The following CSMD1 variants were observed in gnomAD, a reference collection of about 807,000 sequenced individuals.
CSMD1 encodes CUB and Sushi multiple domains 1, also known as CUB and sushi domain-containing protein 1.
CSMD1 carries 213 observed loss-of-function variants against 417.5 expected under a neutral mutation model. That is an observed-to-expected ratio of 0.51 (90% CI 0.46 to 0.57). The LOEUF is 0.57. CSMD1 is among the 20% of genes least tolerant of loss of function. The probability of loss-of-function intolerance (pLI) is 0.00; values close to 1 mark genes in which losing one functional copy is unlikely to be tolerated. For synonymous variants in CSMD1, 2,862 were observed against 1,736.8 expected (o/e 1.65, Z -16.11); for missense variants, 6,923 against 4,529.7 (o/e 1.53, Z -15.17).
At chr8:2,952,955 G>A (rs1288521253) in intron 65 of CSMD1, among the ~76,000 whole-genome samples, 1 of 152,150 alleles carries the variant, frequency 6.6e-6, no homozygotes, top group African/African-American at 2.4e-5. Flanking sequence ...TAGCTGAGCT[G>A]TACTAGAATG....
chr8:4,213,443 G>C (rs1443350868), intron 3 of CSMD1, among the ~76,000 whole-genome samples: 1 of 152,142 alleles, frequency 6.6e-6, no homozygotes, highest in African/African-American at 2.4e-5. Flanking sequence ...TAATATGTGA[G>C]AACAGGAACA....
intron 12 of CSMD1, among the ~76,000 whole-genome samples, chr8:3,435,169 G>T (rs1814469867): frequency 2.6e-5 from 4 of 152,198 alleles, no homozygotes; most frequent in Non-Finnish European, 5.9e-5. Flanking sequence ...ATCCCAATGA[G>T]AAGTCAGAGG....
At chr8:4,872,663 G>T (rs1019474438) in intron 1 of CSMD1, among the ~76,000 whole-genome samples, 1 of 152,072 alleles carries the variant, frequency 6.6e-6, no homozygotes, top group African/African-American at 2.4e-5. Flanking sequence ...CTCAGAAATT[G>T]CGAGAGTAGA....
chr8:4,015,684 C>G (rs1045334143), intron 4 of CSMD1, among the ~76,000 whole-genome samples: 2 of 54,844 alleles, frequency 3.6e-5, no homozygotes, highest in Non-Finnish European at 8.2e-5. Flanking sequence ...AAAAAAAAAA[C>G]TCAAGACAGC....
intron 1 of CSMD1, among the ~76,000 whole-genome samples, chr8:4,651,157 G>GA (rs1011506226): frequency 4.6e-5 from 7 of 151,934 alleles, no homozygotes; most frequent in South Asian, 4.2e-4. Context: ...TTTCAACTGA[G>GA]AAAAAAAATC....
At chr8:4,960,012 C>A (rs944260764) in intron 1 of CSMD1, among the ~76,000 whole-genome samples, 3 of 152,136 alleles carry the variant, frequency 2.0e-5, no homozygotes, top group Non-Finnish European at 4.4e-5. Flanking sequence ...CACTAGGATG[C>A]AATTTCAACA....
chr8:3,621,314 G>A (rs1372902252), intron 7 of CSMD1, among the ~76,000 whole-genome samples: 1 of 152,128 alleles, frequency 6.6e-6, no homozygotes, highest in Non-Finnish European at 1.5e-5. Context: ...GTAACAGAAT[G>A]CAACTGTATG....
At chr8:2,942,311 T>A in intron 69 of CSMD1, among the ~76,000 whole-genome samples, 161 bp downstream of exon 69, 1 of 151,448 alleles carries the variant, frequency 6.6e-6, no homozygotes, top group Non-Finnish European at 1.5e-5. Flanking sequence ...ATCCGGCACG[T>A]GTACCCCGGA....
At chr8:3,442,055 A>G (rs1815019659) in intron 12 of CSMD1, among the ~76,000 whole-genome samples, 1 of 152,060 alleles carries the variant, frequency 6.6e-6, no homozygotes, top group African/African-American at 2.4e-5. Flanking sequence ...AAAATTTTAA[A>G]CAAAAAATTT....
At chr8:4,038,196 A>G (rs866956045) in intron 3 of CSMD1, among the ~76,000 whole-genome samples, 28 of 152,170 alleles carry the variant, frequency 1.8e-4, no homozygotes, top group African/African-American at 5.8e-4. Flanking sequence ...ATCTTCAACA[A>G]ATTTTCTTTT....
chr8:3,817,694 T>C (rs1801466287), intron 5 of CSMD1, among the ~76,000 whole-genome samples: 1 of 152,174 alleles, frequency 6.6e-6, no homozygotes, highest in African/African-American at 2.4e-5. Flanking sequence ...TCCACTTCTC[T>C]ACTCTCAGAA....
chr8:4,383,832 T>A (rs1803265606), intron 3 of CSMD1, among the ~76,000 whole-genome samples: 1 of 152,082 alleles, frequency 6.6e-6, no homozygotes, highest in South Asian at 2.1e-4. Context: ...AAGTGGAACT[T>A]GAAAATAATA....
chr8:4,959,381 C>T (rs1274615067), intron 1 of CSMD1, among the ~76,000 whole-genome samples: 1 of 152,228 alleles, frequency 6.6e-6, no homozygotes, highest in African/African-American at 2.4e-5. Flanking sequence ...CAACCAGGCG[C>T]TCTCATTTTT....
chr8:3,721,170 AT>A (rs891861847), intron 6 of CSMD1, among the ~76,000 whole-genome samples: 68 of 151,134 alleles, frequency 4.5e-4, no homozygotes, highest in Admixed American at 1.1e-3. Flanking sequence ...CTGAAACACC[AT>A]TTTTTTTTCT....
intron 5 of CSMD1, among the ~76,000 whole-genome samples, chr8:3,975,600 T>C (rs543519564): frequency 8.0e-4 from 121 of 152,156 alleles, no homozygotes; most frequent in African/African-American, 2.8e-3. Flanking sequence ...CTCGTGTGGA[T>C]TAGAAAAAGG....
intron 5 of CSMD1, among the ~76,000 whole-genome samples, chr8:3,935,923 C>A (rs1462969199): frequency 6.6e-6 from 1 of 152,112 alleles, no homozygotes; most frequent in African/African-American, 2.4e-5. Context: ...AAGCCTCCTG[C>A]ACTAAACAGT....
intron 50 of CSMD1, among the ~76,000 whole-genome samples, chr8:3,040,882 T>C (rs1032226593): frequency 1.3e-5 from 2 of 152,186 alleles, no homozygotes; most frequent in Admixed American, 6.5e-5. Flanking sequence ...TATTTCTGAG[T>C]AATATTTTCA....
At chr8:3,712,192 C>G (rs1469423477) in intron 6 of CSMD1, among the ~76,000 whole-genome samples, 1 of 152,064 alleles carries the variant, frequency 6.6e-6, no homozygotes, top group Non-Finnish European at 1.5e-5. Context: ...CTCTGCTAAT[C>G]TTGGCAACGT....
At chr8:4,361,652 A>G (rs1049112673) in intron 3 of CSMD1, among the ~76,000 whole-genome samples, 2 of 152,114 alleles carry the variant, frequency 1.3e-5, no homozygotes, top group Admixed American at 6.6e-5. Context: ...TTTTCCTTAA[A>G]GAAGTTTCCT....
Sources: gnomAD v4.1 joint callset for allele counts (sites outside exome capture counted in the v4.1 genomes callset) on GRCh38, gnomAD v4.1.1 for gene constraint, MANE v1.5 for transcripts, NCBI Gene and HGNC (gene_info 2026-07-23, HGNC 2026-07-21) for gene names.